Variants in LRRC4C observed in about 807,000 individuals in gnomAD.
The protein encoded by LRRC4C is leucine-rich repeat-containing protein 4C.
Under a neutral mutation model 33.6 loss-of-function variants are expected in LRRC4C, and 5 were observed. The ratio of observed to expected loss-of-function variants is 0.15; its 90% CI spans 0.08 to 0.31. LRRC4C has a LOEUF of 0.31. Among genes scored for constraint, LRRC4C ranks in the 10% least tolerant of loss-of-function variants. The pLI is 1.00. For missense variants in LRRC4C, 560 were observed against 796.7 expected, an observed-to-expected ratio of 0.70 and a Z score of 3.58; for synonymous variants, 329 against 302.0, an observed-to-expected ratio of 1.09 and a Z score of -0.93.
intron 1 of LRRC4C, among the ~76,000 whole-genome samples, chr11:41,408,578 AC>A (rs1954329587): frequency 6.6e-6 from 1 of 152,074 alleles, no homozygotes; most frequent in African/African-American, 2.4e-5. Context: ...AGGATACCTA[AC>A]CCTCTTTCAT....
At chr11:41,163,304 A>ATTTTTTTTTTTTTTTTT (rs1565440667) in intron 1 of LRRC4C, among the ~76,000 whole-genome samples, 1 of 105,256 alleles carries the variant, frequency 9.5e-6, no homozygotes, top group African/African-American at 3.5e-5. Flanking sequence ...TTTTTTTTCA[A>ATTTTTTTTTTTTTTTTT]ACAGGGTCTT....
At chr11:40,512,295 A>G (rs1296954189) in intron 3 of LRRC4C, among the ~76,000 whole-genome samples, 1 of 152,124 alleles carries the variant, frequency 6.6e-6, no homozygotes, top group Admixed American at 6.6e-5. Flanking sequence ...AATTGCTTCA[A>G]CCCTGGAGGC....
intron 1 of LRRC4C, among the ~76,000 whole-genome samples, chr11:41,266,269 T>C (rs1040342779): frequency 2.0e-5 from 3 of 152,110 alleles, no homozygotes; most frequent in Non-Finnish European, 4.4e-5. Flanking sequence ...TTTAGATGCC[T>C]GATACTTTAC....
intron 1 of LRRC4C, among the ~76,000 whole-genome samples, chr11:41,162,613 T>C (rs1944523201): frequency 6.6e-6 from 1 of 152,210 alleles, no homozygotes. Context: ...TATCATATTG[T>C]AGGCAAGTAA....
intron 1 of LRRC4C, among the ~76,000 whole-genome samples, chr11:41,278,719 G>A (rs1160869483): frequency 2.0e-5 from 3 of 152,164 alleles, no homozygotes; most frequent in Non-Finnish European, 4.4e-5. Flanking sequence ...GGAGGCTCCT[G>A]GTGCCCCACC....
In LRRC4C at chr11:41,325,573, T is replaced by TGTGTG. The variant is rs386373678; in HGVS notation, c.-496+133857_-496+133858insCACAC. Among the ~76,000 whole-genome samples the TGTGTG allele has an allele frequency of 7.9e-4, 77 of 98,006 alleles. 1 individual carries two copies. The highest frequency in any genetic ancestry group is 2.5e-3 in the African/African-American group (69 of 27,962). The allele number at this position is 98,006 out of a possible 152,430, so 64.3% of individuals were successfully genotyped here. Reference sequence around the variant, plus strand: ...AAAATTATTGTCCTTATAGTTTTTTTTTTTTGTGTGTGTGTGTGTGTGTGT... The same window carrying TGTGTG: ...AAAATTATTGTCCTTATAGTTTTTTTGTGTGTTTTTGTGTGTGTGTGTGTGTGTGT... On this transcript the variant is annotated intron_variant, in intron 1 of 6. Transcript: ENST00000528697.
In LRRC4C at chr11:40,498,109, T is replaced by C. The variant is rs537570457; in HGVS notation, c.-270+150033A>G. On this transcript the variant is annotated intron_variant, in intron 3 of 6. Transcript: ENST00000528697. ...GCTTATACAGTTACTTGAGTGGTTA[T>C]AGAGACCACCCGCTACCAGGTACAA... is the stretch of plus-strand genomic sequence containing the variant. Among the ~76,000 whole-genome samples, 4 of 152,334 alleles carry C rather than the reference T, an allele frequency of 2.6e-5. No individual in the cohort carries two copies. In the South Asian group the frequency reaches 6.2e-4, roughly 24 times the overall value.
chr11:40,763,400 C>A (rs998501410), intron 2 of LRRC4C, among the ~76,000 whole-genome samples: 1 of 152,088 alleles, frequency 6.6e-6, no homozygotes, highest in African/African-American at 2.4e-5. Context: ...AGCAAGATGG[C>A]TGAATAGAAC....
chr11:40,977,224 C>G (rs1038567667), intron 1 of LRRC4C, among the ~76,000 whole-genome samples: 1 of 151,928 alleles, frequency 6.6e-6, no homozygotes, highest in Admixed American at 6.6e-5. Flanking sequence ...GTTTTGCTCA[C>G]TGGCCCACCA....
chr11:41,430,587 G>A (rs1955197046), intron 1 of LRRC4C, among the ~76,000 whole-genome samples: 1 of 152,016 alleles, frequency 6.6e-6, no homozygotes, highest in Admixed American at 6.6e-5. Context: ...CAGATAAACA[G>A]GAAATGTTTT....
chr11:40,283,320 C>G (rs1446219079), intron 4 of LRRC4C, among the ~76,000 whole-genome samples: 1 of 152,062 alleles, frequency 6.6e-6, no homozygotes, highest in African/African-American at 2.4e-5. Flanking sequence ...ATTAAATCAC[C>G]TTTGCTTTTG....
At chr11:40,476,735 T>C (rs1041461274) in intron 3 of LRRC4C, among the ~76,000 whole-genome samples, 1 of 152,222 alleles carries the variant, frequency 6.6e-6, no homozygotes. Flanking sequence ...ATATTTTCTT[T>C]GAATGTAAAA....
intron 3 of LRRC4C, among the ~76,000 whole-genome samples, chr11:40,637,240 T>TA (rs963379494): frequency 3.3e-5 from 5 of 151,696 alleles, no homozygotes; most frequent in South Asian, 2.1e-4. Context: ...TTAAGCTAAT[T>TA]AAAAAAAAAT....
chr11:41,195,645 G>A (rs1203989267), intron 1 of LRRC4C, among the ~76,000 whole-genome samples: 5 of 152,042 alleles, frequency 3.3e-5, no homozygotes, highest in Admixed American at 2.0e-4. Context: ...ATATTCCCAT[G>A]AAAGCAGACA....
intron 2 of LRRC4C, among the ~76,000 whole-genome samples, chr11:40,916,684 AC>A: frequency 6.6e-6 from 1 of 151,998 alleles, no homozygotes; most frequent in East Asian, 1.9e-4. Context: ...GTACCCTAAA[AC>A]TTAAAGTATA....
At chr11:40,784,496 G>T (rs1200977619) in intron 2 of LRRC4C, among the ~76,000 whole-genome samples, 1 of 152,106 alleles carries the variant, frequency 6.6e-6, no homozygotes, top group African/African-American at 2.4e-5. Flanking sequence ...CATTTTTTCT[G>T]CTATATTTAA....
At chr11:41,307,150 G>A (rs1950527624) in intron 1 of LRRC4C, among the ~76,000 whole-genome samples, 1 of 152,084 alleles carries the variant, frequency 6.6e-6, no homozygotes, top group Non-Finnish European at 1.5e-5. Flanking sequence ...GACTCCTTCT[G>A]CTGAAGGGGA....
chr11:40,878,042 C>A (rs920136672), intron 2 of LRRC4C, among the ~76,000 whole-genome samples: 5 of 152,104 alleles, frequency 3.3e-5, no homozygotes, highest in African/African-American at 1.2e-4. Flanking sequence ...CAAAGAAGCT[C>A]TCCAGTGATG....
In LRRC4C at chr11:40,990,945, G is replaced by T. The variant is rs561936719; in HGVS notation, c.-495-57222C>A. ...TGAAAAAAAATTGTACAGTTGATTT[G>T]TCAGATGGACTAGTTCCTGTTTTTT... is the stretch of plus-strand genomic sequence containing the variant. On this transcript the variant is annotated intron_variant, in intron 1 of 6. Coordinates refer to ENST00000528697, the MANE Select transcript of LRRC4C (RefSeq NM_001258419.2). Among the ~76,000 whole-genome samples the T allele has an allele frequency of 2.6e-3, 391 of 151,836 alleles. 1 individual carries two copies. Among genetic ancestry groups the T allele is most frequent in the African/African-American group, 8.6e-3 (358 of 41,412 alleles).
Sources: gnomAD v4.1 joint callset for allele counts (sites outside exome capture counted in the v4.1 genomes callset) on GRCh38, gnomAD v4.1.1 for gene constraint, MANE v1.5 for transcripts, NCBI Gene and HGNC (gene_info 2026-07-23, HGNC 2026-07-21) for gene names.